ERO1A: variants seen among roughly 807,000 people sequenced by gnomAD.
ERO1A encodes the protein ERO1-like protein alpha.
In ERO1A, 49 loss-of-function variants were observed where a neutral mutation model predicts 76.9. The observed-to-expected ratio is 0.64, with a 90% CI of 0.51 to 0.81. The LOEUF is 0.81. ERO1A is among the 30% of genes least tolerant of loss of function. The pLI, the probability that ERO1A is intolerant of heterozygous loss-of-function variation, is 0.00. For missense variants in ERO1A, 448 were observed against 542.1 expected (o/e 0.83, Z 1.72); for synonymous variants, 174 against 181.2 (o/e 0.96, Z 0.32).
intron 9 of ERO1A, among the ~76,000 whole-genome samples, chr14:52,660,226 G>A (rs1191626469): frequency 3.3e-5 from 5 of 152,122 alleles, no homozygotes; most frequent in Admixed American, 6.5e-5. Flanking sequence ...TAGCTCTCAG[G>A]AATAACCCTT....
intron 13 of ERO1A, among the ~76,000 whole-genome samples, chr14:52,648,956 T>A (rs966287343): frequency 3.3e-5 from 5 of 152,176 alleles, no homozygotes; most frequent in Non-Finnish European, 5.9e-5. Context: ...ATTTACTAGA[T>A]CAAATTAGTA....
chr14:52,643,497 A>G lies in ERO1A; in HGVS notation c.*73T>C. On this transcript the variant is annotated 3_prime_UTR_variant, in exon 16 of 16. Transcript: ENST00000395686. The stretch of plus-strand genomic sequence containing the variant: ...TGTTTGGCTTAAGACTGTCATTGCT[A>G]TTATGCCTTTGAATGAAATTCCACT... The G allele has an allele frequency of 1.0e-6, 1 of 985,874 alleles. No homozygotes were observed. Among genetic ancestry groups the G allele is most frequent in the South Asian group, 1.7e-5 (1 of 58,168 alleles). 61.1% of individuals were successfully genotyped at this position (985,874 alleles called of 1,614,324 possible).
chr14:52,689,688 A>G (rs536265444), intron 1 of ERO1A, among the ~76,000 whole-genome samples: 2 of 152,300 alleles, frequency 1.3e-5, no homozygotes, highest in South Asian at 4.1e-4. Context: ...GAGAATTAAT[A>G]TTGTTAAAAA....
At chr14:52,646,655 C>A in intron 13 of ERO1A, 194 bp from the exon 14 acceptor site, 2 of 460,646 alleles carry the variant, frequency 4.3e-6, no homozygotes, top group Non-Finnish European at 7.7e-6. Context: ...CACCACAAAT[C>A]CAAAGGTAGT....
intron 3 of ERO1A, among the ~76,000 whole-genome samples, chr14:52,680,103 A>C (rs1049323023): frequency 7.6e-6 from 1 of 131,666 alleles, no homozygotes; most frequent in Non-Finnish European, 1.7e-5. Flanking sequence ...AAAAAAAAAA[A>C]CAAAGTATTG....
Position 52,643,638 on chromosome 14 carries a change from C to CA in ERO1A, c.1347-9dup. ...TTCACACTTGTAGAAATTCTGTAAC[C>CA]AAAAAATATTTCACTCAGAAACCAT... On this transcript the variant is annotated splice_polypyrimidine_tract_variant and intron_variant, in intron 15 of 15. Transcript: ENST00000395686. 2.1e-6 allele frequency: 3 copies of CA among 1,422,758 alleles called. No homozygotes were observed. The highest frequency in any genetic ancestry group is 2.8e-6 in the Non-Finnish European group (3 of 1,069,518). 88.1% of individuals were successfully genotyped at this position (1,422,758 alleles called of 1,614,324 possible).
In ERO1A at chr14:52,646,182, T is replaced by G. The variant is rs1452153619; in HGVS notation, c.1318A>C (p.Ile440Leu). 1.2e-6 allele frequency: 2 copies of G among 1,612,042 alleles called. No homozygotes were observed. Among genetic ancestry groups the G allele is most frequent in the Non-Finnish European group, 1.7e-6 (2 of 1,179,372 alleles). The change falls in exon 15 of 16, where the codon ATA becomes CTA. Residue 440 changes from isoleucine to leucine, a missense_variant. Ile to Leu is a conservative substitution (Grantham distance 5). This residue lies in a region of ERO1A where 302 missense variants were observed against 411.9 expected (regional missense o/e 0.73). Transcript: ENST00000395686. ...CCAAATGCGTTGAATAATGATACTA[T>G]TTCTTGTCTGGTTAGATGGAATTCA... ...SYEFHLTRQEIVSLFNAFGRI... is the reference protein window; with the variant it reads ...SYEFHLTRQELVSLFNAFGRI...
At chr14:52,658,045 T>C in intron 10 of ERO1A, 36 bp from the exon 11 acceptor site, 2 of 1,526,876 alleles carry the variant, frequency 1.3e-6, no homozygotes, top group Non-Finnish European at 1.8e-6. Flanking sequence ...TAAAATTTCA[T>C]ATGTGAATCT....
rs564510157 is a variant in ERO1A at position 52,642,086 on chromosome 14, G to A, written c.*1484C>T. 8.5e-5 allele frequency: 13 copies of A among 152,246 alleles called. No homozygotes were observed. The highest frequency in any genetic ancestry group is 1.8e-4 in the Non-Finnish European group (12 of 68,026). 9.4% of individuals were successfully genotyped at this position (152,246 alleles called of 1,614,324 possible). A position where few individuals can be genotyped will look rare whatever the true frequency, so the allele number is the denominator to read the frequency against. On this transcript the variant is annotated 3_prime_UTR_variant, in exon 16 of 16. Transcript: ENST00000395686. Reference sequence around the variant, plus strand: ...TATGTAAAGAGGGCACGATTTTGAGGTATATAGCTTCTTTTTCTCTACAAT... The same window carrying A: ...TATGTAAAGAGGGCACGATTTTGAGATATATAGCTTCTTTTTCTCTACAAT...
At chr14:52,659,832 T>TA (rs1277452456) in intron 9 of ERO1A, among the ~76,000 whole-genome samples, 13 of 145,902 alleles carry the variant, frequency 8.9e-5, no homozygotes, top group African/African-American at 3.3e-4. Flanking sequence ...TGTGTCCTTT[T>TA]TAAAAAAAAA....
At chr14:52,664,833 A>C (rs2040352435) in intron 7 of ERO1A, among the ~76,000 whole-genome samples, 2 of 152,166 alleles carry the variant, frequency 1.3e-5, no homozygotes, top group African/African-American at 4.8e-5. Flanking sequence ...CTGGGACTAC[A>C]GGTGCCCACC....
intron 13 of ERO1A, among the ~76,000 whole-genome samples, chr14:52,649,073 A>T (rs1362074786): frequency 6.6e-6 from 1 of 152,194 alleles, no homozygotes; most frequent in South Asian, 2.1e-4. Flanking sequence ...AGAAAAAGGT[A>T]TGGTCCTTAA....
chr14:52,665,619 C>CA (rs1442069307), intron 7 of ERO1A, among the ~76,000 whole-genome samples: 1 of 150,008 alleles, frequency 6.7e-6, no homozygotes, highest in Non-Finnish European at 1.5e-5. Context: ...AATGTGCTCG[C>CA]ACATACATTG....
intron 13 of ERO1A, chr14:52,646,740 C>A (rs1594818077): frequency 3.7e-6 from 1 of 269,596 alleles, no homozygotes; most frequent in Non-Finnish European, 6.9e-6. Flanking sequence ...TAAATTCCCA[C>A]ATCTAGTAAA....
At chr14:52,651,288 A>C (rs1000659724) in intron 13 of ERO1A, among the ~76,000 whole-genome samples, 1 of 152,086 alleles carries the variant, frequency 6.6e-6, no homozygotes, top group African/African-American at 2.4e-5. Context: ...ATCCCTTCTC[A>C]ATAATAATAA....
chr14:52,670,661 G>A lies in ERO1A; in HGVS notation c.508+969C>T, dbSNP rs79897639. Among the ~76,000 whole-genome samples the A allele has an allele frequency of 6.4e-3, 967 of 152,240 alleles. 4 individuals carry two copies. The highest frequency in any genetic ancestry group is 0.022 in the African/African-American group (903 of 41,524). On this transcript the variant is annotated intron_variant, in intron 6 of 15. Transcript: ENST00000395686. ...TATTCACTTCTCCAAAAGCAACACG[G>A]ACCATCATTAAGGAATATACATAAC...
In ERO1A at chr14:52,661,029, G is replaced by A. The variant is rs145466435; in HGVS notation, c.688+264C>T. On this transcript the variant is annotated intron_variant, in intron 9 of 15. Transcript: ENST00000395686. ...GGCCTGAGGCAATGGGGGAGACGGG[G>A]AGTGGACATGCTTCCACATTCAGAG... is the stretch of plus-strand genomic sequence containing the variant. Among the ~76,000 whole-genome samples the A allele has an allele frequency of 3.9e-4, 59 of 152,306 alleles. No homozygotes were observed. The East Asian group carries it at 6.6e-3, about 17-fold the overall frequency.
rs1226719026 is a variant in ERO1A at position 52,672,776 on chromosome 14, C to CAAAAAAAA, written c.358-913_358-906dup. Among the ~76,000 whole-genome samples, 49 of 60,642 alleles carry CAAAAAAAA rather than the reference C, an allele frequency of 8.1e-4. 1 individual carries two copies. Among genetic ancestry groups the CAAAAAAAA allele is most frequent in the Non-Finnish European group, 1.2e-3 (35 of 28,262 alleles). The allele number at this position is 60,642 out of a possible 152,430, so 39.8% of individuals were successfully genotyped here. A position where few individuals can be genotyped will look rare whatever the true frequency, so the allele number is the denominator to read the frequency against. The stretch of plus-strand genomic sequence containing the variant: ...AACAGAGACAGACCCTGTCTCTGAC[C>CAAAAAAAA]AAAAAAAAAAAAAAAAACAAAAAAC... On this transcript the variant is annotated intron_variant, in intron 4 of 15. Coordinates refer to ENST00000395686, the MANE Select transcript of ERO1A (RefSeq NM_014584.3).
rs879218530 is a variant in ERO1A, at chr14:52,684,150, C to CACACACACACAG, written c.115-244_115-243insCTGTGTGTGTGT. Among the ~76,000 whole-genome samples the CACACACACACAG allele has an allele frequency of 2.6e-3, 366 of 139,382 alleles. 3 individuals carry two copies. Among genetic ancestry groups the CACACACACACAG allele is most frequent in the East Asian group, 0.025 (124 of 4,946 alleles). The allele number at this position is 139,382 out of a possible 152,430, so 91.4% of individuals were successfully genotyped here. ...ACACACACACACACACACACACACA[C>CACACACACACAG]AGAGAGAGTTGGCCCCCTGGCAACC... On this transcript the variant is annotated intron_variant, in intron 1 of 15. Coordinates refer to ENST00000395686, the MANE Select transcript of ERO1A (RefSeq NM_014584.3).
Sources: allele counts gnomAD v4.1 joint callset (sites outside exome capture counted in the v4.1 genomes callset), GRCh38; gene constraint gnomAD v4.1.1; regional missense constraint gnomAD v4.1.1; transcripts MANE v1.5; gene names NCBI Gene and HGNC (gene_info 2026-07-23, HGNC 2026-07-21).